Variants in FGD5 observed in about 807,000 individuals in gnomAD.
FGD5 encodes the protein FYVE, RhoGEF and PH domain containing 5.
A neutral mutation model predicts 133.4 loss-of-function variants in FGD5; 28 were observed. That is an observed-to-expected ratio of 0.21 (90% CI 0.16 to 0.29). The LOEUF is 0.29. Ranked by LOEUF, FGD5 falls within the 10% of genes least tolerant of loss-of-function variation. The pLI, the probability that FGD5 is intolerant of heterozygous loss-of-function variation, is 1.00. For synonymous variants in FGD5, 810 were observed against 776.5 expected, an observed-to-expected ratio of 1.04 and a Z score of -0.72; for missense variants, 1,858 against 1,895.2, an observed-to-expected ratio of 0.98 and a Z score of 0.36.
At chr3:14,899,198 C>T (rs1389922467) in intron 7 of FGD5, among the ~76,000 whole-genome samples, 8 of 152,140 alleles carry the variant, frequency 5.3e-5, no homozygotes, top group East Asian at 1.9e-4. Flanking sequence ...GCTGGACCCA[C>T]GACCACTTCC....
At chr3:14,891,831 T>C (rs34853927) in intron 4 of FGD5, among the ~76,000 whole-genome samples, 109,332 of 152,102 alleles carry the variant, frequency 0.72, 39,437 homozygotes, top group African/African-American at 0.76. Context: ...TCTCAGTCTC[T>C]ACATCTCACC....
intron 1 of FGD5, among the ~76,000 whole-genome samples, chr3:14,828,183 G>C (rs1284827049): frequency 6.6e-6 from 1 of 152,180 alleles, no homozygotes; most frequent in Non-Finnish European, 1.5e-5. Flanking sequence ...TGGACTGAGA[G>C]TCTGGGGGTA....
intron 13 of FGD5, among the ~76,000 whole-genome samples, chr3:14,919,390 G>A (rs371589841): frequency 3.9e-5 from 6 of 152,108 alleles, no homozygotes; most frequent in Non-Finnish European, 7.4e-5. Flanking sequence ...AGGCCGAGGC[G>A]GATGGATCAC....
At chr3:14,905,963 A>G (rs2038331255) in intron 9 of FGD5, among the ~76,000 whole-genome samples, 1 of 152,046 alleles carries the variant, frequency 6.6e-6, no homozygotes, top group Admixed American at 6.5e-5. Flanking sequence ...ACGGTAGGGT[A>G]CAGGGCAGTC....
upstream of FGD5, chr3:14,818,960 A>T (rs540054692): frequency 5.6e-4 from 807 of 1,445,668 alleles, 3 homozygotes; most frequent in Non-Finnish European, 6.7e-4. Context: ...ATCTAGATTC[A>T]CCAAAACCAC....
chr3:14,898,000 G>A lies in FGD5; in HGVS notation c.2971G>A (p.Ala991Thr), dbSNP rs539351974. 12 of 1,613,862 alleles carry A rather than the reference G, an allele frequency of 7.4e-6. No individual in the cohort carries two copies. In the Admixed American group the frequency reaches 1.0e-4, roughly 13 times the overall value. The stretch of plus-strand genomic sequence containing the variant: ...CCGGGAGCAGGGGTTTGATCACCAC[G>A]CCACTCACATCCTGCAGTTCGACAG... ...LAREQGFDHH[A>T]THILQFDRYL... The change falls in exon 6 of 20, where the codon GCC (alanine) becomes ACC (threonine). Residue 991 changes from alanine to threonine, a missense_variant. Physicochemically the swap from Ala to Thr is moderately conservative, Grantham distance 58. Coordinates refer to ENST00000285046, the MANE Select transcript of FGD5 (RefSeq NM_152536.4).
intron 1 of FGD5, among the ~76,000 whole-genome samples, chr3:14,827,003 T>A (rs1292828126): frequency 2.6e-5 from 4 of 152,166 alleles, no homozygotes; most frequent in Non-Finnish European, 5.9e-5. Context: ...AGACTAGGGG[T>A]TTTATGATTC....
intron 1 of FGD5, among the ~76,000 whole-genome samples, chr3:14,845,533 T>G (rs1242865023): frequency 2.0e-5 from 3 of 152,196 alleles, no homozygotes; most frequent in Non-Finnish European, 4.4e-5. Context: ...TTAAGAAGTT[T>G]CCCTGAACTA....
At position 14,819,113 on chromosome 3, in the gene FGD5, G is replaced by C. The variant is rs2036428978; in HGVS notation, c.42G>C (p.Arg14Ser). The C allele has an allele frequency of 6.4e-7, 1 of 1,550,438 alleles. No homozygotes were observed. The highest frequency in any genetic ancestry group is 8.7e-7 in the Non-Finnish European group (1 of 1,147,014). The change falls in exon 1 of 20, where the codon AGG (arginine) becomes AGC (serine). Residue 14 changes from arginine to serine, a missense_variant. Coordinates refer to ENST00000285046, the MANE Select transcript of FGD5 (RefSeq NM_152536.4). The surrounding 1 kb of genome is among the most constrained non-coding windows in gnomAD (Gnocchi z 4.1). The part of the protein sequence containing the change: ...GPKPPIAPKP[R>S]LTAPNEWRAS... ...AGCCCCCCATTGCCCCCAAGCCCAG[G>C]CTGACTGCCCCAAACGAGTGGAGAG...
At position 14,923,151 on chromosome 3, in the gene FGD5, A is replaced by G. The variant is rs1163474236; in HGVS notation, c.3913A>G (p.Arg1305Gly). The G allele has an allele frequency of 2.5e-6, 4 of 1,613,590 alleles. No individual in the cohort carries two copies. The highest frequency in any genetic ancestry group is 3.4e-6 in the Non-Finnish European group (4 of 1,179,802). The change falls in exon 16 of 20, where the codon AGG (arginine) becomes GGG (glycine). Residue 1305 changes from arginine (R) to glycine (G), a missense_variant. Physicochemically the swap from Arg to Gly is moderately radical, Grantham distance 125. Around this residue, in one of 3 missense-constraint regions of FGD5, gnomAD observed 1,824 missense variants for 1,848.9 expected, o/e 0.99. Transcript: ENST00000285046. ...GCFGELKKRG[R>G]AVPGLMRERP... ...CTTCGGGGAGCTGAAGAAGCGGGGC[A>G]GGGCTGTCCCGGGCCTGATGAGAGG...
At chr3:14,883,286 A>G (rs1339442274) in intron 4 of FGD5, among the ~76,000 whole-genome samples, 2 of 152,202 alleles carry the variant, frequency 1.3e-5, no homozygotes, top group African/African-American at 4.8e-5. Context: ...AGCTTAAAAT[A>G]TTTATCATCT....
At chr3:14,857,945 G>A (rs1483555768) in intron 1 of FGD5, among the ~76,000 whole-genome samples, 2 of 150,472 alleles carry the variant, frequency 1.3e-5, no homozygotes, top group Non-Finnish European at 3.0e-5. Flanking sequence ...AAAAAAAAAA[G>A]CTGAGACACG....
At chr3:14,816,609 G>T (rs887060145), upstream of FGD5, among the ~76,000 whole-genome samples, 1 of 152,196 alleles carries the variant, frequency 6.6e-6, no homozygotes, top group Non-Finnish European at 1.5e-5. Context: ...GATCAGCCAG[G>T]CTCCAAAGGC....
chr3:14,925,727 G>A (rs1164022343), intron 17 of FGD5, among the ~76,000 whole-genome samples: 1 of 152,214 alleles, frequency 6.6e-6, no homozygotes, highest in Non-Finnish European at 1.5e-5. Context: ...AGTTGAAAGT[G>A]CAAGAGTTAA....
chr3:14,813,235 G>A (rs532551768), intron 1 of FGD5, among the ~76,000 whole-genome samples: 81 of 152,308 alleles, frequency 5.3e-4, no homozygotes, highest in African/African-American at 1.9e-3. Context: ...CTGAGGCTCA[G>A]AGAGGCAAAA....
At chr3:14,846,226 G>C (rs1455643968) in intron 1 of FGD5, among the ~76,000 whole-genome samples, 3 of 152,146 alleles carry the variant, frequency 2.0e-5, no homozygotes, top group African/African-American at 7.2e-5. Context: ...GTGGTTTGGG[G>C]GCTCAGGGGC....
chr3:14,932,941 G>C (rs898171230), intron 19 of FGD5, among the ~76,000 whole-genome samples, 190 bp from the exon 20 acceptor site: 1 of 152,198 alleles, frequency 6.6e-6, no homozygotes, highest in Non-Finnish European at 1.5e-5. Context: ...CATTGATTCA[G>C]TAAGCTTTTG....
intron 10 of FGD5, among the ~76,000 whole-genome samples, chr3:14,909,641 A>G (rs1307720774): frequency 1.3e-5 from 2 of 152,238 alleles, no homozygotes; most frequent in Non-Finnish European, 2.9e-5. Context: ...TCTTTCACAA[A>G]TGCAAATGTA....
At position 14,909,406 on chromosome 3, in the gene FGD5, A is replaced by G. The variant is rs534023840; in HGVS notation, c.3337-1455A>G. Reference sequence around the variant, plus strand: ...CTAACAATAGTTCCACGGGTCAAACAGTCATGAGCACACAAACCATATTCA... The same window carrying G: ...CTAACAATAGTTCCACGGGTCAAACGGTCATGAGCACACAAACCATATTCA... On this transcript the variant is annotated intron_variant, in intron 10 of 19. Transcript: ENST00000285046. Among the ~76,000 whole-genome samples, 14 of 152,392 alleles carry G rather than the reference A, an allele frequency of 9.2e-5. No homozygotes were observed. In the South Asian group the frequency reaches 1.0e-3, roughly 11 times the overall value.
Sources: allele counts gnomAD v4.1 joint callset (sites outside exome capture counted in the v4.1 genomes callset), GRCh38; gene constraint gnomAD v4.1.1; regional missense constraint gnomAD v4.1.1; non-coding constraint Gnocchi (gnomAD v3.1); transcripts MANE v1.5; gene names NCBI Gene and HGNC (gene_info 2026-07-23, HGNC 2026-07-21).